The following MAPK10 variants were observed in gnomAD, a reference collection of about 807,000 sequenced individuals.
MAPK10 encodes mitogen-activated protein kinase 10.
MAPK10 carries 25 observed loss-of-function variants against 59.3 expected under a neutral mutation model. The ratio of observed to expected loss-of-function variants is 0.42; its 90% CI spans 0.31 to 0.59. The LOEUF is 0.59. Among genes scored for constraint, MAPK10 ranks in the 20% least tolerant of loss-of-function variants. The pLI is 0.15. For missense variants in MAPK10, 351 were observed against 568.9 expected, an observed-to-expected ratio of 0.62 and a Z score of 3.90; for synonymous variants, 190 against 200.5, an observed-to-expected ratio of 0.95 and a Z score of 0.44.
intron 2 of MAPK10, among the ~76,000 whole-genome samples, chr4:86,202,142 T>A (rs1216465080): frequency 2.0e-5 from 3 of 151,946 alleles, no homozygotes; most frequent in African/African-American, 7.2e-5. Flanking sequence ...TTTGTAATCA[T>A]TCATGGGTTT....
At chr4:86,163,751 C>T (rs28572764) in intron 3 of MAPK10, among the ~76,000 whole-genome samples, 2,855 of 146,590 alleles carry the variant, frequency 0.019, 98 homozygotes, top group African/African-American at 0.073. Flanking sequence ...ATAAAAGATG[C>T]CACCATTCAA....
intron 9 of MAPK10, among the ~76,000 whole-genome samples, chr4:86,075,771 G>T (rs1266052924): frequency 6.6e-6 from 1 of 152,180 alleles, no homozygotes; most frequent in African/African-American, 2.4e-5. Flanking sequence ...CCAGCTGCGT[G>T]CTGGGAGAAC....
intron 1 of MAPK10, among the ~76,000 whole-genome samples, chr4:86,395,836 T>G (rs1227119689): frequency 1.3e-5 from 2 of 152,208 alleles, no homozygotes; most frequent in Admixed American, 1.3e-4. Flanking sequence ...TCATCCTGTA[T>G]GAGCACTAGT....
rs79064126 is a variant in MAPK10, at chr4:86,282,845, A to T, written c.-7+71685T>A. Among the ~76,000 whole-genome samples the T allele has an allele frequency of 3.1e-3, 478 of 152,282 alleles. 3 individuals are homozygous for T. Among genetic ancestry groups the T allele is most frequent in the African/African-American group, 0.011 (459 of 41,578 alleles). ...TTGTTTCCCTATGTCTATGGAATCAAAGTCTAGGCACATGCTCCGTGATGT... is the reference window on the plus strand; with the variant it reads ...TTGTTTCCCTATGTCTATGGAATCATAGTCTAGGCACATGCTCCGTGATGT... On this transcript the variant is annotated intron_variant, in intron 2 of 13. Coordinates refer to ENST00000641462, the MANE Select transcript of MAPK10 (RefSeq NM_138982.4).
chr4:86,549,156 A>G (rs1323462124), intron 1 of MAPK10, among the ~76,000 whole-genome samples: 1 of 152,224 alleles, frequency 6.6e-6, no homozygotes, highest in African/African-American at 2.4e-5. Context: ...AATTTTAACC[A>G]TATCTTATCA....
intron 1 of MAPK10, among the ~76,000 whole-genome samples, chr4:86,571,697 T>G (rs1355544319): frequency 6.6e-6 from 1 of 152,086 alleles, no homozygotes; most frequent in Non-Finnish European, 1.5e-5. Flanking sequence ...GACCTCATAC[T>G]AAAAACTGGT....
chr4:86,529,966 T>A (rs574642190), intron 1 of MAPK10, among the ~76,000 whole-genome samples: 2 of 151,206 alleles, frequency 1.3e-5, no homozygotes, highest in South Asian at 2.1e-4. Context: ...TAATTAGAAT[T>A]TTTTTTTAAT....
At chr4:86,415,720 A>G (rs542766300) in intron 1 of MAPK10, among the ~76,000 whole-genome samples, 6 of 152,350 alleles carry the variant, frequency 3.9e-5, no homozygotes, top group Admixed American at 2.0e-4. Context: ...TATTCTCACA[A>G]AAACATTCAG....
intron 1 of MAPK10, among the ~76,000 whole-genome samples, chr4:86,478,736 C>T (rs189883554): frequency 1.3e-5 from 2 of 152,270 alleles, no homozygotes; most frequent in Admixed American, 1.3e-4. Context: ...CCCCATACTT[C>T]CTTCTTTCCT....
chr4:86,486,100 C>T (rs112174507), intron 1 of MAPK10, among the ~76,000 whole-genome samples: 74 of 152,314 alleles, frequency 4.9e-4, no homozygotes, highest in African/African-American at 1.6e-3. Flanking sequence ...TGAATAGACA[C>T]AGTCACAAAT....
At chr4:86,290,860 A>C (rs191171920) in intron 2 of MAPK10, among the ~76,000 whole-genome samples, 1 of 152,312 alleles carries the variant, frequency 6.6e-6, no homozygotes, top group Admixed American at 6.5e-5. Flanking sequence ...TAGTATGTAA[A>C]AGGAAGCAGA....
chr4:86,452,135 C>T (rs1750793490), intron 1 of MAPK10, among the ~76,000 whole-genome samples: 2 of 152,158 alleles, frequency 1.3e-5, no homozygotes, highest in Admixed American at 6.5e-5. Flanking sequence ...GCACACTCCT[C>T]CACCATATTA....
At chr4:86,048,492 G>A (rs1425567789) in intron 11 of MAPK10, among the ~76,000 whole-genome samples, 2 of 152,028 alleles carry the variant, frequency 1.3e-5, no homozygotes, top group Non-Finnish European at 2.9e-5. Flanking sequence ...AAAACACATC[G>A]AACACAGATA....
chr4:86,157,537 A>G (rs897470616), intron 4 of MAPK10, among the ~76,000 whole-genome samples: 1 of 151,970 alleles, frequency 6.6e-6, no homozygotes, highest in Non-Finnish European at 1.5e-5. Context: ...CATTCAAGAT[A>G]TTATGTACTC....
At chr4:86,107,533 C>A (rs1295858657) in intron 4 of MAPK10, 181 bp from the exon 5 acceptor site, 4 of 1,253,060 alleles carry the variant, frequency 3.2e-6, no homozygotes, top group Non-Finnish European at 4.0e-6. Flanking sequence ...GAATATTCTA[C>A]ATGCTAGGAG....
chr4:86,525,855 T>C (rs1757440954), intron 1 of MAPK10, among the ~76,000 whole-genome samples: 1 of 152,206 alleles, frequency 6.6e-6, no homozygotes, highest in Admixed American at 6.5e-5. Context: ...AGCAAAAATC[T>C]GAAGATTTTT....
intron 2 of MAPK10, among the ~76,000 whole-genome samples, chr4:86,213,884 C>A (rs980356812): frequency 2.6e-5 from 4 of 152,062 alleles, no homozygotes; most frequent in Admixed American, 2.6e-4. Context: ...ACCAACACTG[C>A]CCTGAAACAA....
intron 2 of MAPK10, among the ~76,000 whole-genome samples, chr4:86,220,904 C>G (rs1420214373): frequency 6.6e-6 from 1 of 152,136 alleles, no homozygotes; most frequent in Non-Finnish European, 1.5e-5. Context: ...AATTGTCGAA[C>G]AACATAAGGG....
chr4:86,322,846 T>C (rs906139450), intron 2 of MAPK10, among the ~76,000 whole-genome samples: 1 of 152,200 alleles, frequency 6.6e-6, no homozygotes, highest in Non-Finnish European at 1.5e-5. Flanking sequence ...AGAAAAATGT[T>C]ACTTTTCAGA....
Sources: allele counts gnomAD v4.1 joint callset (sites outside exome capture counted in the v4.1 genomes callset), GRCh38; gene constraint gnomAD v4.1.1; transcripts MANE v1.5; gene names NCBI Gene and HGNC (gene_info 2026-07-23, HGNC 2026-07-21).